OGG1: variants seen among roughly 807,000 people sequenced by gnomAD.
The protein encoded by OGG1 is N-glycosylase/DNA lyase.
Under a neutral mutation model 42.3 loss-of-function variants are expected in OGG1, and 35 were observed. The observed-to-expected ratio is 0.83, with a 90% CI of 0.63 to 1.10. The LOEUF is 1.10. Ranked by LOEUF, OGG1 falls within the 50% of genes least tolerant of loss-of-function variation. OGG1 has a pLI of 0.00. For synonymous variants in OGG1, 189 were observed against 179.0 expected, an observed-to-expected ratio of 1.06 and a Z score of -0.44; for missense variants, 484 against 446.7, an observed-to-expected ratio of 1.08 and a Z score of -0.75.
chr3:9,786,918 A>G, intron 3 of OGG1: 1 of 1,269,594 alleles, frequency 7.9e-7, no homozygotes. Context: ...CCAACCTAAT[A>G]AATGTATGAT....
chr3:9,771,251 C>G (rs775323645), downstream of OGG1, among the ~76,000 whole-genome samples: 2 of 151,988 alleles, frequency 1.3e-5, no homozygotes, highest in Non-Finnish European at 2.9e-5. Flanking sequence ...TCTCAAACTC[C>G]TGGGCTCAAG....
intron 3 of OGG1, among the ~76,000 whole-genome samples, chr3:9,753,628 T>G (rs897501616): frequency 2.6e-5 from 4 of 151,514 alleles, no homozygotes; most frequent in Non-Finnish European, 4.4e-5. Flanking sequence ...CACTCCAGCC[T>G]GGGCGACAGA....
At chr3:9,761,341 TGGAA>T (rs2077859405), downstream of OGG1, 6 of 984,702 alleles carry the variant, frequency 6.1e-6, no homozygotes, top group Non-Finnish European at 9.0e-6. Context: ...AATTGATTGG[TGGAA>T]GGAAGGGAGG....
chr3:9,752,507 G>GCAA (rs2077349831), intron 3 of OGG1, among the ~76,000 whole-genome samples: 1 of 130,522 alleles, frequency 7.7e-6, no homozygotes, highest in African/African-American at 3.1e-5. Context: ...TCCAGCCTGG[G>GCAA]CAACAGAGCG....
intron 2 of OGG1, among the ~76,000 whole-genome samples, chr3:9,774,424 A>C (rs965598128): frequency 1.9e-4 from 26 of 136,042 alleles, no homozygotes; most frequent in East Asian, 6.0e-4. Flanking sequence ...AAAAAAAAAA[A>C]AAAACAAAAC....
chr3:9,751,912 C>G lies in OGG1; in HGVS notation c.528C>G (p.Val176=). 5 of 1,614,178 alleles carry G rather than the reference C, an allele frequency of 3.1e-6. No homozygotes were observed. Reference sequence around the variant, plus strand: ...CTCGGCTCATCCAGCTTGATGATGTCACCTACCATGGCTTCCCCAGCCTGC... The same window carrying G: ...CTCGGCTCATCCAGCTTGATGATGTGACCTACCATGGCTTCCCCAGCCTGC... The part of the protein sequence containing the change: ...FGPRLIQLDD[V]TYHGFPSLQA... Residue 176 remains valine (V), a synonymous_variant, in exon 3 of 7, where the codon GTC becomes GTG. Transcript: ENST00000344629.
At chr3:9,784,628 G>A (rs1412034236) in intron 3 of OGG1, among the ~76,000 whole-genome samples, 1 of 151,988 alleles carries the variant, frequency 6.6e-6, no homozygotes, top group African/African-American at 2.4e-5. Context: ...ACTTTGGAAG[G>A]CCGAGGTGGG....
At chr3:9,755,886 T>TCACCTAAG (rs2077526429) in intron 4 of OGG1, among the ~76,000 whole-genome samples, 1 of 152,190 alleles carries the variant, frequency 6.6e-6, no homozygotes. Flanking sequence ...CCATGTGACT[T>TCACCTAAG]TGGCCAGGTC....
chr3:9,775,384 T>C (rs752693504), intron 2 of OGG1, among the ~76,000 whole-genome samples: 45 of 152,344 alleles, frequency 3.0e-4, no homozygotes, highest in Non-Finnish European at 6.0e-4. Flanking sequence ...AGTTTCCACA[T>C]GAGATATTAC....
At chr3:9,776,537 C>A (rs1169509729) in intron 2 of OGG1, among the ~76,000 whole-genome samples, 1 of 151,856 alleles carries the variant, frequency 6.6e-6, no homozygotes, top group Non-Finnish European at 1.5e-5. Context: ...CTACAGGTGC[C>A]CGCCACCACG....
chr3:9,753,340 A>T (rs1186515561), intron 3 of OGG1, among the ~76,000 whole-genome samples: 7 of 119,204 alleles, frequency 5.9e-5, no homozygotes, highest in African/African-American at 2.3e-4. Flanking sequence ...CGACAGGGCG[A>T]GACTCCGTCT....
intron 4 of OGG1, 118 bp from the exon 5 acceptor site, chr3:9,756,353 A>G: frequency 1.0e-6 from 1 of 984,750 alleles, no homozygotes; most frequent in Non-Finnish European, 1.6e-6. Context: ...TTGATTGAGA[A>G]TATAGAACAA....
chr3:9,769,656 G>C (rs945452408), downstream of OGG1, among the ~76,000 whole-genome samples: 22 of 152,306 alleles, frequency 1.4e-4, no homozygotes, highest in African/African-American at 5.3e-4. Flanking sequence ...AGGCCCGCCT[G>C]GCACCTGCTG....
At chr3:9,786,500 G>A (rs904874549) in intron 3 of OGG1, among the ~76,000 whole-genome samples, 1 of 151,962 alleles carries the variant, frequency 6.6e-6, no homozygotes, top group East Asian at 1.9e-4. Flanking sequence ...CAGGTATAAA[G>A]ACAGGGCCCC....
In OGG1 at chr3:9,756,474, G is replaced by A; in HGVS notation, c.751G>A (p.Ala251Thr). 2 of 1,614,124 alleles carry A rather than the reference G, an allele frequency of 1.2e-6. No homozygotes were observed. Among genetic ancestry groups the A allele is most frequent in the Non-Finnish European group, 1.7e-6 (2 of 1,180,026 alleles). Residue 251 changes from alanine (A) to threonine (T), a missense_variant, in exon 5 of 7, where the codon GCT (alanine) becomes ACT (threonine). Physicochemically the swap from Ala to Thr is moderately conservative, Grantham distance 58 (BLOSUM62 0). Coordinates refer to ENST00000344629, the MANE Select transcript of OGG1 (RefSeq NM_002542.6). The stretch of plus-strand genomic sequence containing the variant: ...GCTCATTCTGTGTCTGTCAAAGGTG[G>A]CTGACTGCATCTGCCTGATGGCCCT... ...CILPGVGTKVADCICLMALDK... is the reference protein window; with the variant it reads ...CILPGVGTKVTDCICLMALDK...
chr3:9,769,547 C>CA (rs1559707999), downstream of OGG1, among the ~76,000 whole-genome samples: 2 of 152,200 alleles, frequency 1.3e-5, no homozygotes, highest in African/African-American at 4.8e-5. Context: ...CAAGCCCCCC[C>CA]ACCCCATGGA....
Position 9,754,753 on chromosome 3 carries a change from C to T in OGG1, c.615C>T (p.Ala205=). The T allele has an allele frequency of 3.1e-6, 5 of 1,614,168 alleles. No homozygotes were observed. The highest frequency in any genetic ancestry group is 4.2e-6 in the Non-Finnish European group (5 of 1,180,014). ...HLRKLGLGYR[A]RYVSASARAI... ...GGAAGCTGGGCCTGGGCTATCGTGC[C>T]CGTTACGTGAGTGCCAGTGCCCGAG... is the stretch of plus-strand genomic sequence containing the variant. The change falls in exon 4 of 7, where the codon GCC becomes GCT. Residue 205 remains alanine (A), a synonymous_variant. Transcript: ENST00000344629.
intron 3 of OGG1, 158 bp downstream of exon 3, chr3:9,752,107 C>A: frequency 1.5e-6 from 1 of 668,474 alleles, no homozygotes. Context: ...ACTCATCCTC[C>A]CTATGCATCC....
chr3:9,759,832 G>A (rs1238282762), downstream of OGG1: 6 of 1,610,498 alleles, frequency 3.7e-6, no homozygotes, highest in Non-Finnish European at 5.1e-6. Context: ...ACTCCCTCAG[G>A]TCTGGCCTGG....
Sources: allele counts gnomAD v4.1 joint callset (sites outside exome capture counted in the v4.1 genomes callset), GRCh38; gene constraint gnomAD v4.1.1; transcripts MANE v1.5; gene names NCBI Gene and HGNC (gene_info 2026-07-23, HGNC 2026-07-21).